ATP6V1H: variants seen among roughly 807,000 people sequenced by gnomAD.
ATP6V1H encodes ATPase H+ transporting V1 subunit H, also known as V-type proton ATPase subunit H.
A neutral mutation model predicts 71.7 loss-of-function variants in ATP6V1H; 39 were observed. The observed-to-expected ratio is 0.54, with a 90% CI of 0.42 to 0.71. The LOEUF (loss-of-function observed/expected upper bound fraction) is 0.71, where lower values mean the gene tolerates loss of function less well. Among genes scored for constraint, ATP6V1H ranks in the 30% least tolerant of loss-of-function variants. The pLI, the probability that ATP6V1H is intolerant of heterozygous loss-of-function variation, is 0.00. For synonymous variants in ATP6V1H, 192 were observed against 199.3 expected, an observed-to-expected ratio of 0.96 and a Z score of 0.31; for missense variants, 509 against 594.9, an observed-to-expected ratio of 0.86 and a Z score of 1.50.
At chr8:53,770,109 G>A (rs1197198074) in intron 10 of ATP6V1H, among the ~76,000 whole-genome samples, 1 of 151,772 alleles carries the variant, frequency 6.6e-6, no homozygotes, top group Non-Finnish European at 1.5e-5. Context: ...AGACCAACAG[G>A]CAAAATAATA....
chr8:53,728,912 A>G (rs899232470), intron 13 of ATP6V1H, among the ~76,000 whole-genome samples: 8 of 152,242 alleles, frequency 5.3e-5, no homozygotes, highest in Non-Finnish European at 8.8e-5. Flanking sequence ...TGGTCCTCCC[A>G]CTAACAGATT....
At chr8:53,798,203 T>A (rs556335913) in intron 8 of ATP6V1H, among the ~76,000 whole-genome samples, 1 of 152,286 alleles carries the variant, frequency 6.6e-6, no homozygotes, top group African/African-American at 2.4e-5. Context: ...GCAAACTATA[T>A]AGATTAAAAT....
chr8:53,745,337 A>AC (rs1364224208), intron 12 of ATP6V1H, among the ~76,000 whole-genome samples: 2 of 152,158 alleles, frequency 1.3e-5, no homozygotes, highest in African/African-American at 4.8e-5. Context: ...GTTCAAGGTT[A>AC]CAGTGAGCTA....
intron 2 of ATP6V1H, among the ~76,000 whole-genome samples, chr8:53,839,318 G>A (rs895669945): frequency 6.6e-6 from 1 of 152,036 alleles, no homozygotes; most frequent in African/African-American, 2.4e-5. Flanking sequence ...AATGCACTCT[G>A]GACTAAAGAA....
At chr8:53,808,163 G>C (rs1361195967) in intron 7 of ATP6V1H, among the ~76,000 whole-genome samples, 2 of 152,196 alleles carry the variant, frequency 1.3e-5, no homozygotes, top group African/African-American at 4.8e-5. Context: ...TCTTGCCTAT[G>C]CGTACTGTAA....
intron 5 of ATP6V1H, among the ~76,000 whole-genome samples, chr8:53,816,223 A>T (rs1051771579): frequency 1.3e-5 from 2 of 152,212 alleles, no homozygotes; most frequent in African/African-American, 4.8e-5. Flanking sequence ...ATACATATAC[A>T]TGTGGAAGGA....
At chr8:53,803,804 G>A (rs185928964) in intron 7 of ATP6V1H, among the ~76,000 whole-genome samples, 1 of 152,020 alleles carries the variant, frequency 6.6e-6, no homozygotes, top group Non-Finnish European at 1.5e-5. Flanking sequence ...TAAGTCATCA[G>A]GTAGAAACTT....
intron 3 of ATP6V1H, among the ~76,000 whole-genome samples, 199 bp from the exon 4 acceptor site, chr8:53,829,732 A>G (rs985956800): frequency 5.9e-5 from 9 of 152,190 alleles, no homozygotes; most frequent in African/African-American, 2.2e-4. Flanking sequence ...TCAGCTTGTG[A>G]ACATTTCTAG....
intron 4 of ATP6V1H, among the ~76,000 whole-genome samples, chr8:53,828,964 A>G (rs1486185213): frequency 6.6e-6 from 1 of 152,224 alleles, no homozygotes; most frequent in East Asian, 1.9e-4. Context: ...CAGGGATGGT[A>G]ACGCAGTAAA....
intron 9 of ATP6V1H, among the ~76,000 whole-genome samples, chr8:53,772,474 G>C (rs1585769262): frequency 6.6e-6 from 1 of 152,154 alleles, no homozygotes; most frequent in East Asian, 1.9e-4. Flanking sequence ...TCATGGACTT[G>C]CTCTGGCTGT....
intron 13 of ATP6V1H, among the ~76,000 whole-genome samples, chr8:53,719,390 C>T (rs1467484331): frequency 2.0e-5 from 3 of 152,116 alleles, no homozygotes; most frequent in Non-Finnish European, 4.4e-5. Flanking sequence ...AGGCTGGTCT[C>T]GAACTCCTGA....
intron 13 of ATP6V1H, among the ~76,000 whole-genome samples, chr8:53,727,011 A>G (rs1420459267): frequency 6.6e-6 from 1 of 152,250 alleles, no homozygotes; most frequent in Non-Finnish European, 1.5e-5. Flanking sequence ...AATTCCTTTC[A>G]ATAAACATGT....
At chr8:53,781,239 G>A (rs2130361619) in intron 9 of ATP6V1H, among the ~76,000 whole-genome samples, 1 of 152,258 alleles carries the variant, frequency 6.6e-6, no homozygotes, top group East Asian at 1.9e-4. Flanking sequence ...CATTCTAACT[G>A]GTGTGAGATG....
At chr8:53,834,645 C>T (rs1811102299) in intron 2 of ATP6V1H, among the ~76,000 whole-genome samples, 1 of 151,996 alleles carries the variant, frequency 6.6e-6, no homozygotes, top group Non-Finnish European at 1.5e-5. Flanking sequence ...GGGCTGCTCT[C>T]GAACTCCTGA....
intron 12 of ATP6V1H, among the ~76,000 whole-genome samples, chr8:53,754,475 A>G (rs1286712370): frequency 6.6e-6 from 1 of 152,116 alleles, no homozygotes; most frequent in Non-Finnish European, 1.5e-5. Flanking sequence ...CTCACCACCC[A>G]TGTCCCCCAG....
At chr8:53,727,932 T>C (rs918732483) in intron 13 of ATP6V1H, among the ~76,000 whole-genome samples, 5 of 152,186 alleles carry the variant, frequency 3.3e-5, no homozygotes, top group African/African-American at 1.2e-4. Flanking sequence ...ACCAGCTCCA[T>C]GCAATCATTA....
rs560215424 is a variant in ATP6V1H at position 53,784,382 on chromosome 8, T to C, written c.870+11265A>G. On this transcript the variant is annotated intron_variant, in intron 9 of 13. Transcript: ENST00000359530. ...AACCCCTGCCTTTTTTTGTTTTCCA[T>C]TGGCTTGGTAGATCTTCCTCCATCC... Among the ~76,000 whole-genome samples the C allele has an allele frequency of 2.8e-4, 43 of 152,324 alleles. 2 individuals carry two copies. The East Asian group carries it at 8.3e-3, about 29-fold the overall frequency.
At chr8:53,808,742 A>C (rs1416147912) in intron 7 of ATP6V1H, among the ~76,000 whole-genome samples, 2 of 151,552 alleles carry the variant, frequency 1.3e-5, no homozygotes, top group East Asian at 3.9e-4. Flanking sequence ...CAGAAGTTGC[A>C]GTGAGCTGAG....
intron 11 of ATP6V1H, among the ~76,000 whole-genome samples, chr8:53,768,113 A>T (rs1324068195): frequency 1.3e-5 from 2 of 152,186 alleles, no homozygotes; most frequent in Admixed American, 1.3e-4. Flanking sequence ...CAACTAAAAA[A>T]TGAGCCAAGC....
Sources: allele counts gnomAD v4.1 joint callset (sites outside exome capture counted in the v4.1 genomes callset), GRCh38; gene constraint gnomAD v4.1.1; transcripts MANE v1.5; gene names NCBI Gene and HGNC (gene_info 2026-07-23, HGNC 2026-07-21).